Variants in AQP11 observed in about 807,000 individuals in gnomAD.
AQP11 encodes aquaporin-11.
Under a neutral mutation model 21.1 loss-of-function variants are expected in AQP11, and 20 were observed. The observed-to-expected ratio is 0.95, with a 90% confidence interval of 0.67 to 1.38. The LOEUF (loss-of-function observed/expected upper bound fraction) is 1.38. Ranked by LOEUF, AQP11 falls within the 40% of genes most tolerant of loss-of-function variation. The probability of loss-of-function intolerance (pLI) is 0.00; values close to 1 mark genes in which losing one functional copy is unlikely to be tolerated. For missense variants in AQP11, 339 were observed against 340.4 expected, an observed-to-expected ratio of 1.00 and a Z score of 0.03; for synonymous variants, 167 against 150.1, an observed-to-expected ratio of 1.11 and a Z score of -0.82.
In AQP11 at chr11:77,590,351, G is replaced by C. The variant is rs140743866; in HGVS notation, c.359G>C (p.Arg120Thr). The change falls in exon 1 of 3, where the codon AGG becomes ACG. Residue 120 changes from arginine (R) to threonine (T), a missense_variant. By Grantham distance (71) the Arg-to-Thr change is moderately conservative (BLOSUM62 -1). Coordinates refer to ENST00000313578, the MANE Select transcript of AQP11 (RefSeq NM_173039.3). ...GGMSPETGAV[R>T]LLAQLVSALC... is the part of the protein sequence containing the mutation. ...ATGTCCCCCGAGACGGGTGCGGTGA[G>C]GCTATTGGCTCAGCTGGTTAGTGCC... 6.2e-7 allele frequency: 1 copy of C among 1,612,748 alleles called. No homozygotes were observed. Among genetic ancestry groups the C allele is most frequent in the Middle Eastern group, 1.7e-4 (1 of 6,058 alleles).
chr11:77,590,300 T>G lies in AQP11; in HGVS notation c.308T>G (p.Val103Gly). Residue 103 changes from valine (V) to glycine (G), a missense_variant, in exon 1 of 3, where the codon GTG (valine) becomes GGG (glycine). Val to Gly is a moderately radical substitution (Grantham distance 109, BLOSUM62 -3). Coordinates refer to ENST00000313578, the MANE Select transcript of AQP11 (RefSeq NM_173039.3). The stretch of plus-strand genomic sequence containing the variant: ...GGCACGTCCAGCAACCCGTGCGGCG[T>G]GATGATGCAGATGATGCTGGGGGGC... Reference protein sequence around the residue: ...LVGTSSNPCGVMMQMMLGGMS... With the variant: ...LVGTSSNPCGGMMQMMLGGMS... 6.2e-7 allele frequency: 1 copy of G among 1,606,464 alleles called. No homozygotes were observed. Among genetic ancestry groups the G allele is most frequent in the Non-Finnish European group, 8.5e-7 (1 of 1,174,984 alleles).
intron 1 of AQP11, among the ~76,000 whole-genome samples, chr11:77,596,564 G>A (rs11237233): frequency 0.17 from 13,370 of 76,708 alleles, 942 homozygotes; most frequent in African/African-American, 0.24. Flanking sequence ...ATATATATAT[G>A]TATGTAATGG....
chr11:77,591,680 G>A (rs1383151160), intron 1 of AQP11, among the ~76,000 whole-genome samples: 1 of 151,868 alleles, frequency 6.6e-6, no homozygotes, highest in Admixed American at 6.6e-5. Context: ...GACCAGCCTC[G>A]CCAACATGGT....
chr11:77,606,952 T>C (rs748385989), intron 2 of AQP11, among the ~76,000 whole-genome samples: 13 of 152,318 alleles, frequency 8.5e-5, no homozygotes, highest in South Asian at 8.3e-4. Flanking sequence ...GTTGAAAATA[T>C]GTATTCCAAG....
At chr11:77,598,709 G>C (rs554893011) in intron 1 of AQP11, among the ~76,000 whole-genome samples, 6 of 152,116 alleles carry the variant, frequency 3.9e-5, no homozygotes, top group Admixed American at 3.3e-4. Flanking sequence ...GGTTGTTTTT[G>C]TTGTTGTTTT....
intron 1 of AQP11, among the ~76,000 whole-genome samples, chr11:77,602,807 A>T (rs1475864227): frequency 6.6e-6 from 1 of 152,208 alleles, no homozygotes; most frequent in Non-Finnish European, 1.5e-5. Context: ...CTAAGCTTCC[A>T]CTTGGAAAAA....
At chr11:77,590,935 T>A in intron 1 of AQP11, 1 of 985,454 alleles carries the variant, frequency 1.0e-6, no homozygotes, top group South Asian at 4.7e-5. Context: ...TAACTGCCTC[T>A]TTCTTCATGC....
intron 2 of AQP11, among the ~76,000 whole-genome samples, chr11:77,608,664 C>G (rs1047080782): frequency 5.9e-5 from 9 of 152,254 alleles, no homozygotes; most frequent in Admixed American, 1.3e-4. Context: ...ATTTAAACTT[C>G]CACCATCGAC....
intron 1 of AQP11, 25 bp from the exon 2 acceptor site, chr11:77,603,531 T>C: frequency 6.8e-7 from 1 of 1,464,332 alleles, no homozygotes; most frequent in Non-Finnish European, 9.3e-7. Context: ...TCATTTGAAA[T>C]CACTCTGCTT....
At chr11:77,600,222 C>T (rs1958808019) in intron 1 of AQP11, among the ~76,000 whole-genome samples, 1 of 151,394 alleles carries the variant, frequency 6.6e-6, no homozygotes. Context: ...ACCCACCTCG[C>T]CCTCCTAAAG....
chr11:77,608,852 C>T (rs1958861172), intron 2 of AQP11, among the ~76,000 whole-genome samples: 1 of 152,036 alleles, frequency 6.6e-6, no homozygotes, highest in African/African-American at 2.4e-5. Flanking sequence ...GTGAAAACTC[C>T]GAGTGCTTTC....
chr11:77,597,724 A>G (rs1211139183), intron 1 of AQP11, among the ~76,000 whole-genome samples: 2 of 152,138 alleles, frequency 1.3e-5, no homozygotes, highest in Non-Finnish European at 2.9e-5. Context: ...GGGGAAAACA[A>G]GCAGGCTTGT....
rs182849204 is a variant in AQP11 at position 77,590,118 on chromosome 11, G to T, written c.126G>T (p.Pro42=). ...TCGCCCGGCAGCAGCTGCACAGGCC[G>T]GTGGCCCACGCCTTCGTCCTGGAGT... ...RVVARQQLHR[P]VAHAFVLEFL... Residue 42 remains proline (P), a synonymous_variant, in exon 1 of 3, where the codon CCG becomes CCT. Coordinates refer to ENST00000313578, the MANE Select transcript of AQP11 (RefSeq NM_173039.3). 6.2e-7 allele frequency: 1 copy of T among 1,607,788 alleles called. No individual in the cohort carries two copies. Among genetic ancestry groups the T allele is most frequent in the Non-Finnish European group, 8.5e-7 (1 of 1,179,762 alleles).
intron 2 of AQP11, among the ~76,000 whole-genome samples, chr11:77,609,059 T>G (rs1304828219): frequency 1.3e-5 from 2 of 152,234 alleles, no homozygotes; most frequent in African/African-American, 2.4e-5. Flanking sequence ...TGTTTAAGGA[T>G]TCACAGTTGA....
rs539882034 is a variant in AQP11, at chr11:77,589,984, G to T, written c.-9G>T. ...GGAGCCCGCAACCCGCTCAGGCGGC[G>T]ACGGAGCCATGTCGCCGCTGCTGGG... On this transcript the variant is annotated 5_prime_UTR_variant, in exon 1 of 3. Transcript: ENST00000313578. 7.7e-5 allele frequency: 114 copies of T among 1,472,922 alleles called. No homozygotes were observed. Among genetic ancestry groups the T allele is most frequent in the Non-Finnish European group, 1.0e-4 (112 of 1,118,952 alleles). The allele number at this position is 1,472,922 out of a possible 1,614,324, so 91.2% of individuals were successfully genotyped here.
intron 1 of AQP11, among the ~76,000 whole-genome samples, chr11:77,592,266 CAAAAGAAAAAAA>C (rs1357065140): frequency 1.2e-4 from 17 of 144,392 alleles, no homozygotes; most frequent in Non-Finnish European, 2.0e-4. Flanking sequence ...CTGTCTGTCT[CAAAAGAAAAAAA>C]AAAAGAAAAA....
Position 77,590,117 on chromosome 11 carries a change from C to A in AQP11, c.125C>A (p.Pro42Gln). The A allele has an allele frequency of 6.2e-7, 1 of 1,607,886 alleles. No homozygotes were observed. Among genetic ancestry groups the A allele is most frequent in the Non-Finnish European group, 8.5e-7 (1 of 1,179,782 alleles). ...RVVARQQLHR[P>Q]VAHAFVLEFL... ...GTCGCCCGGCAGCAGCTGCACAGGC[C>A]GGTGGCCCACGCCTTCGTCCTGGAG... is the stretch of plus-strand genomic sequence containing the variant. Residue 42 changes from proline (P) to glutamine (Q), a missense_variant, in exon 1 of 3, where the codon CCG (proline) becomes CAG (glutamine). By Grantham distance (76) the Pro-to-Gln change is moderately conservative. Coordinates refer to ENST00000313578, the MANE Select transcript of AQP11 (RefSeq NM_173039.3).
chr11:77,600,441 A>G (rs939164277), intron 1 of AQP11, among the ~76,000 whole-genome samples: 1 of 152,204 alleles, frequency 6.6e-6, no homozygotes, highest in South Asian at 2.1e-4. Flanking sequence ...GTAGTTGTGG[A>G]ATGCAGAGAA....
rs200329972 is a variant in AQP11 at position 77,593,660 on chromosome 11, CA to C, written c.619+3058del. ...ACTCCGTCTCAAAAAAAAACAAAAA[CA>C]AAAAAAAACAACCCATCGATGAATA... On this transcript the variant is annotated intron_variant, in intron 1 of 2. Coordinates refer to ENST00000313578, the MANE Select transcript of AQP11 (RefSeq NM_173039.3). Among the ~76,000 whole-genome samples the C allele has an allele frequency of 1.1e-3, 171 of 148,982 alleles. 2 individuals carry two copies. The highest frequency in any genetic ancestry group is 2.7e-4 in the Non-Finnish European group (18 of 67,056).
Sources: allele counts gnomAD v4.1 joint callset (sites outside exome capture counted in the v4.1 genomes callset), GRCh38; gene constraint gnomAD v4.1.1; transcripts MANE v1.5; gene names NCBI Gene and HGNC (gene_info 2026-07-23, HGNC 2026-07-21).